The following NF2 variants were observed in gnomAD, a reference collection of about 807,000 sequenced individuals.
The protein encoded by NF2 is NF2, moesin-ezrin-radixin like (MERLIN) tumor suppressor, also known as merlin.
In NF2, 8 loss-of-function variants were observed where a neutral mutation model predicts 83.7. That is an observed-to-expected ratio of 0.10 (90% confidence interval 0.06 to 0.17). The LOEUF is 0.17. Among genes scored for constraint, NF2 ranks in the 10% least tolerant of loss-of-function variants. The probability of loss-of-function intolerance (pLI) is 1.00; values close to 1 mark genes in which losing one functional copy is unlikely to be tolerated. For synonymous variants in NF2, 266 were observed against 269.6 expected (o/e 0.99, Z 0.13); for missense variants, 533 against 744.4 (o/e 0.72, Z 3.31).
At chr22:29,675,224 A>AT (rs943104625) in intron 13 of NF2, among the ~76,000 whole-genome samples, 1 of 152,242 alleles carries the variant, frequency 6.6e-6, no homozygotes, top group African/African-American at 2.4e-5. Flanking sequence ...ATAGTCCCAA[A>AT]TTATCCTCAA....
intron 1 of NF2, among the ~76,000 whole-genome samples, chr22:29,628,466 G>T (rs1373786476): frequency 6.6e-6 from 1 of 151,974 alleles, no homozygotes. Context: ...AATTGGTGAA[G>T]AGTTGAAGGC....
At chr22:29,622,640 C>A (rs2065241859) in intron 1 of NF2, among the ~76,000 whole-genome samples, 1 of 148,162 alleles carries the variant, frequency 6.7e-6, no homozygotes, top group Admixed American at 6.9e-5. Flanking sequence ...TTTTGGAAGA[C>A]CCTGTATTTT....
At position 29,698,483 on chromosome 22, in the gene NF2, C is replaced by T. The variant is rs537735494; in HGVS notation, c.*3681C>T. 1.4e-5 allele frequency: 3 copies of T among 210,282 alleles called. No homozygotes were observed. Among genetic ancestry groups the T allele is most frequent in the African/African-American group, 6.8e-5 (3 of 44,050 alleles). 13.0% of individuals were successfully genotyped at this position (210,282 alleles called of 1,614,324 possible). On this transcript the variant is annotated 3_prime_UTR_variant, in exon 16 of 16. Transcript: ENST00000338641. ...TCAAAGATGTCAAACGTCACTTCTT[C>T]CTGTAGGGCCCGAGTCCTGCCTCCT... is the stretch of plus-strand genomic sequence containing the variant.
intron 14 of NF2, 24 bp from the exon 15 acceptor site, chr22:29,681,415 T>C (rs1452705261): frequency 4.3e-6 from 7 of 1,613,100 alleles, no homozygotes; most frequent in Non-Finnish European, 5.9e-6. Context: ...CAAGCCCTGA[T>C]GCATGATACC....
intron 4 of NF2, among the ~76,000 whole-genome samples, chr22:29,652,083 A>G (rs2066164791): frequency 1.3e-5 from 2 of 152,106 alleles, no homozygotes; most frequent in African/African-American, 4.8e-5. Flanking sequence ...CCTATAAGGC[A>G]GATGCTATTA....
intron 1 of NF2, among the ~76,000 whole-genome samples, chr22:29,618,998 C>G (rs990837092): frequency 3.3e-5 from 5 of 152,020 alleles, no homozygotes; most frequent in Non-Finnish European, 5.9e-5. Flanking sequence ...GTTCTATACT[C>G]TATATTAGTG....
At chr22:29,645,275 G>T (rs2065952807) in intron 4 of NF2, among the ~76,000 whole-genome samples, 1 of 152,128 alleles carries the variant, frequency 6.6e-6, no homozygotes, top group Non-Finnish European at 1.5e-5. Flanking sequence ...GAGAGTTGTT[G>T]ACCATCTCAT....
intron 10 of NF2, among the ~76,000 whole-genome samples, chr22:29,668,717 G>A (rs1474322371): frequency 6.6e-6 from 1 of 152,240 alleles, no homozygotes; most frequent in Non-Finnish European, 1.5e-5. Context: ...AGTTTGGGAT[G>A]AAATAGCCAA....
intron 4 of NF2, among the ~76,000 whole-genome samples, chr22:29,650,640 C>T (rs936479938): frequency 5.3e-5 from 8 of 150,518 alleles, no homozygotes; most frequent in African/African-American, 1.7e-4. Flanking sequence ...CCCCTTTGCT[C>T]CCCTCCCCTC....
At chr22:29,668,753 T>A (rs2066700297) in intron 10 of NF2, among the ~76,000 whole-genome samples, 1 of 152,266 alleles carries the variant, frequency 6.6e-6, no homozygotes, top group South Asian at 2.1e-4. Context: ...TCCGTCCGGC[T>A]AGCTAGCTTG....
intron 1 of NF2, among the ~76,000 whole-genome samples, chr22:29,612,952 G>A (rs1042888006): frequency 1.3e-5 from 2 of 151,708 alleles, no homozygotes; most frequent in Non-Finnish European, 2.9e-5. Context: ...AAAATTAGCC[G>A]GGTGTGGTGG....
At chr22:29,688,586 G>A (rs1480881990) in intron 15 of NF2, among the ~76,000 whole-genome samples, 3 of 152,264 alleles carry the variant, frequency 2.0e-5, no homozygotes, top group Admixed American at 2.0e-4. Context: ...CAGAGGAGCA[G>A]CGGAGGGCCC....
chr22:29,626,662 G>A (rs1347429152), intron 1 of NF2, among the ~76,000 whole-genome samples: 1 of 152,192 alleles, frequency 6.6e-6, no homozygotes, highest in African/African-American at 2.4e-5. Context: ...CTGTTGTGCT[G>A]GAGCTTTTTT....
chr22:29,609,837 AAAC>A (rs1206992635), intron 1 of NF2, among the ~76,000 whole-genome samples: 2 of 152,208 alleles, frequency 1.3e-5, no homozygotes, highest in African/African-American at 4.8e-5. Flanking sequence ...TACACTATAA[AAAC>A]AATTTTTTTC....
At chr22:29,668,139 C>T (rs762800050) in intron 9 of NF2, among the ~76,000 whole-genome samples, 194 bp from the exon 10 acceptor site, 1 of 152,118 alleles carries the variant, frequency 6.6e-6, no homozygotes, top group South Asian at 2.1e-4. Context: ...ATATCTGAGG[C>T]GCCTTCATTT....
At chr22:29,671,336 C>A (rs899577868) in intron 10 of NF2, among the ~76,000 whole-genome samples, 1 of 152,178 alleles carries the variant, frequency 6.6e-6, no homozygotes, top group Non-Finnish European at 1.5e-5. Flanking sequence ...CAAGACCAGC[C>A]TGGCCAATAT....
At chr22:29,655,504 T>C (rs567335539) in intron 5 of NF2, 90 bp from the exon 6 acceptor site, 129 of 950,072 alleles carry the variant, frequency 1.4e-4, no homozygotes, top group Non-Finnish European at 2.1e-4. Flanking sequence ...CTTTACTGTT[T>C]TGTAAAAATG....
chr22:29,679,611 A>C (rs1158283394), intron 14 of NF2, among the ~76,000 whole-genome samples: 1 of 152,210 alleles, frequency 6.6e-6, no homozygotes, highest in Non-Finnish European at 1.5e-5. Context: ...TCATGCCTGT[A>C]ATTCCAGCAC....
intron 1 of NF2, among the ~76,000 whole-genome samples, chr22:29,607,899 G>A (rs1601523821): frequency 1.3e-5 from 2 of 151,900 alleles, no homozygotes; most frequent in South Asian, 2.1e-4. Flanking sequence ...ACAGCTGGGC[G>A]CGGTGGCTCA....
Sources: allele counts gnomAD v4.1 joint callset (sites outside exome capture counted in the v4.1 genomes callset), GRCh38; gene constraint gnomAD v4.1.1; transcripts MANE v1.5; gene names NCBI Gene and HGNC (gene_info 2026-07-23, HGNC 2026-07-21).